VIT: variants seen among roughly 807,000 people sequenced by gnomAD.
VIT encodes the protein vitrin.
A neutral mutation model predicts 78.0 loss-of-function variants in VIT; 99 were observed. The observed-to-expected ratio is 1.27, with a 90% CI of 1.08 to 1.50. The LOEUF is 1.50. Ranked by LOEUF, VIT falls within the 40% of genes most tolerant of loss-of-function variation. The pLI, the probability that VIT is intolerant of heterozygous loss-of-function variation, is 0.00. For synonymous variants in VIT, 374 were observed against 334.3 expected, an observed-to-expected ratio of 1.12 and a Z score of -1.29; for missense variants, 1,126 against 875.3, an observed-to-expected ratio of 1.29 and a Z score of -3.61.
chr2:36,733,672 T>A (rs115504016), intron 3 of VIT, among the ~76,000 whole-genome samples: 15 of 152,322 alleles, frequency 9.8e-5, no homozygotes, highest in African/African-American at 3.6e-4. Flanking sequence ...CACACAACTT[T>A]ATATAGTAAG....
chr2:36,710,692 A>ATTTTGAGATTCATTCATT (rs1665749204), intron 1 of VIT, among the ~76,000 whole-genome samples: 1 of 152,178 alleles, frequency 6.6e-6, no homozygotes, highest in Admixed American at 6.6e-5. Flanking sequence ...TTCATTTAAC[A>ATTTTGAGATTCATTCATT]TAATTATTTT....
chr2:36,756,321 A>T (rs1332670970), intron 5 of VIT, among the ~76,000 whole-genome samples: 4 of 152,108 alleles, frequency 2.6e-5, no homozygotes, highest in Middle Eastern at 3.2e-3. Context: ...CATTTTCTCT[A>T]AGGCGGTTCC....
intron 6 of VIT, among the ~76,000 whole-genome samples, chr2:36,764,673 A>G (rs1216125835): frequency 1.3e-5 from 2 of 152,170 alleles, no homozygotes; most frequent in Non-Finnish European, 2.9e-5. Context: ...GAATGGCTGA[A>G]TTCCAACCCG....
chr2:36,728,531 T>TTTTTATAAATTTAGTGTAGATGAC (rs1453098954), intron 2 of VIT, among the ~76,000 whole-genome samples: 6 of 97,730 alleles, frequency 6.1e-5, no homozygotes, highest in Middle Eastern at 5.8e-3. Context: ...GAAAAAATAT[T>TTTTTATAAATTTAGTGTAGATGAC]GGCCGGGCGC....
At chr2:36,804,564 G>A (rs1242490877) in intron 13 of VIT, among the ~76,000 whole-genome samples, 3 of 152,208 alleles carry the variant, frequency 2.0e-5, no homozygotes, top group African/African-American at 7.2e-5. Context: ...AGGCACGGTG[G>A]TTCAAACCTG....
chr2:36,757,804 G>A (rs189617489), intron 5 of VIT, among the ~76,000 whole-genome samples: 2 of 152,288 alleles, frequency 1.3e-5, no homozygotes, highest in Admixed American at 6.5e-5. Context: ...AAGCAGGGCC[G>A]TGTCATTATT....
intron 12 of VIT, among the ~76,000 whole-genome samples, chr2:36,800,723 A>C (rs10198595): frequency 0.011 from 1,732 of 151,992 alleles, 27 homozygotes; most frequent in African/African-American, 0.039. Flanking sequence ...ATTCACTCCA[A>C]CTCCTCCCCA....
intron 10 of VIT, 120 bp downstream of exon 10, chr2:36,781,891 T>C (rs1290489745): frequency 4.2e-6 from 5 of 1,200,456 alleles, no homozygotes; most frequent in Admixed American, 3.9e-5. Flanking sequence ...GGATTTCTAA[T>C]GGCTCCCGCC....
chr2:36,799,136 C>T (rs901519498), intron 12 of VIT, among the ~76,000 whole-genome samples: 1 of 152,170 alleles, frequency 6.6e-6, no homozygotes, highest in Non-Finnish European at 1.5e-5. Flanking sequence ...TTTTTCATCC[C>T]TTGCCTTGTA....
At chr2:36,764,424 T>C (rs972864742) in intron 6 of VIT, among the ~76,000 whole-genome samples, 3 of 152,154 alleles carry the variant, frequency 2.0e-5, no homozygotes, top group African/African-American at 7.2e-5. Context: ...TTTGGAGAAA[T>C]TAGAAACTTC....
rs910974581 is a variant in VIT at position 36,809,509 on chromosome 2, C to G, written c.1903+524C>G. Among the ~76,000 whole-genome samples the G allele has an allele frequency of 3.3e-5, 5 of 152,168 alleles. No individual in the cohort carries two copies. The East Asian group carries it at 7.7e-4, about 23-fold the overall frequency. On this transcript the variant is annotated intron_variant, in intron 15 of 15. Transcript: ENST00000379242. ...CTCCAATCACTGCAACCTCTGCCTC[C>G]CAGGTTGAAGCAATTCTCCTGCCTC...
intron 2 of VIT, 113 bp downstream of exon 2, chr2:36,716,535 A>G: frequency 4.8e-6 from 4 of 824,950 alleles, no homozygotes; most frequent in Non-Finnish European, 7.7e-6. Flanking sequence ...AATACAGTGT[A>G]TCATTTTATA....
At chr2:36,711,450 T>C (rs1665791397) in intron 1 of VIT, among the ~76,000 whole-genome samples, 1 of 152,066 alleles carries the variant, frequency 6.6e-6, no homozygotes, top group Non-Finnish European at 1.5e-5. Flanking sequence ...GAAAGAAGGG[T>C]GCAGGATCAG....
At chr2:36,795,307 C>T (rs1388984893) in intron 12 of VIT, among the ~76,000 whole-genome samples, 1 of 151,996 alleles carries the variant, frequency 6.6e-6, no homozygotes, top group Non-Finnish European at 1.5e-5. Context: ...TGATGCACAT[C>T]TTCCCAGCTA....
chr2:36,729,554 T>A (rs1667068133), intron 3 of VIT, 63 bp downstream of exon 3: 2 of 1,524,034 alleles, frequency 1.3e-6, no homozygotes, highest in South Asian at 2.4e-5. Context: ...AGGGTTATTA[T>A]ACTTGTTTTA....
At chr2:36,784,578 TAAG>T (rs1440355077) in intron 11 of VIT, among the ~76,000 whole-genome samples, 1 of 152,218 alleles carries the variant, frequency 6.6e-6, no homozygotes, top group Non-Finnish European at 1.5e-5. Flanking sequence ...TATCCAGAGT[TAAG>T]AAACACTGGC....
At position 36,789,036 on chromosome 2, in the gene VIT, A is replaced by G. The variant is rs557586706; in HGVS notation, c.1058+1760A>G. On this transcript the variant is annotated intron_variant, in intron 12 of 15. Transcript: ENST00000379242. ...CCATGCTTTTCAGTTTTACTATCTAAAAAATCCCTTGTGTCTGCCTTTTTC... is the reference window on the plus strand; with the variant it reads ...CCATGCTTTTCAGTTTTACTATCTAGAAAATCCCTTGTGTCTGCCTTTTTC... 1.6e-4 allele frequency among the ~76,000 whole-genome samples: 25 copies of G among 152,294 alleles called. No individual in the cohort carries two copies. In the East Asian group the frequency reaches 4.6e-3, roughly 28 times the overall value.
At position 36,743,339 on chromosome 2, in the gene VIT, C is replaced by A. The variant is rs569296240; in HGVS notation, c.275+83C>A. 1.5e-5 allele frequency: 20 copies of A among 1,368,878 alleles called. No homozygotes were observed. In the African/African-American group the frequency reaches 2.2e-4, roughly 15 times the overall value. 84.8% of individuals were successfully genotyped at this position (1,368,878 alleles called of 1,614,324 possible). The stretch of plus-strand genomic sequence containing the variant: ...CCCCATGCAAGGTTGCCATATTTAG[C>A]AAGCAAAAATATACAAATATTTTTT... On this transcript the variant is annotated intron_variant, in intron 4 of 15. Transcript: ENST00000379242.
chr2:36,790,898 G>A (rs767473292), intron 12 of VIT, among the ~76,000 whole-genome samples: 1 of 84,104 alleles, frequency 1.2e-5, no homozygotes, highest in African/African-American at 5.0e-5. Flanking sequence ...AACACGGAAA[G>A]AGTCAATGAA....
Sources: gnomAD v4.1 joint callset for allele counts (sites outside exome capture counted in the v4.1 genomes callset) on GRCh38, gnomAD v4.1.1 for gene constraint, MANE v1.5 for transcripts, NCBI Gene and HGNC (gene_info 2026-07-23, HGNC 2026-07-21) for gene names.